KDM4C: variants seen among roughly 807,000 people sequenced by gnomAD.
The protein encoded by KDM4C is lysine demethylase 4C.
Under a neutral mutation model 129.3 loss-of-function variants are expected in KDM4C, and 81 were observed. The ratio of observed to expected loss-of-function variants is 0.63; its 90% CI spans 0.52 to 0.75. KDM4C has a LOEUF of 0.75. Among genes scored for constraint, KDM4C ranks in the 30% least tolerant of loss-of-function variants. The pLI is 0.00. For synonymous variants in KDM4C, 573 were observed against 456.1 expected (o/e 1.26, Z -3.26); for missense variants, 1,457 against 1,304.0 (o/e 1.12, Z -1.81).
At chr9:6,755,066 T>C (rs1032469433), upstream of KDM4C, among the ~76,000 whole-genome samples, 6 of 151,840 alleles carry the variant, frequency 4.0e-5, no homozygotes, top group Non-Finnish European at 8.8e-5. Flanking sequence ...GGCGAAACCC[T>C]GTCTACAAAA....
intron 17 of KDM4C, among the ~76,000 whole-genome samples, chr9:7,100,031 G>C (rs1374234965): frequency 6.6e-6 from 1 of 152,092 alleles, no homozygotes; most frequent in Non-Finnish European, 1.5e-5. Context: ...TCTCAGATGA[G>C]ACAGGAGCTC....
chr9:6,842,798 A>G (rs941823637), intron 4 of KDM4C, among the ~76,000 whole-genome samples: 4 of 151,848 alleles, frequency 2.6e-5, no homozygotes, highest in African/African-American at 7.3e-5. Flanking sequence ...CCCAATACCC[A>G]CGTTTTTTGA....
intron 8 of KDM4C, among the ~76,000 whole-genome samples, chr9:6,938,835 T>A (rs1421634640): frequency 1.4e-5 from 2 of 147,496 alleles, no homozygotes; most frequent in African/African-American, 4.9e-5. Flanking sequence ...TAAATATTTA[T>A]TTTTCAGATA....
chr9:7,108,432 G>T (rs971751536), intron 18 of KDM4C, among the ~76,000 whole-genome samples: 1 of 151,996 alleles, frequency 6.6e-6, no homozygotes, highest in East Asian at 1.9e-4. Flanking sequence ...AGACTGGGTT[G>T]TACCATGTTG....
chr9:6,786,775 A>G (rs142297619), intron 1 of KDM4C, among the ~76,000 whole-genome samples: 95 of 152,308 alleles, frequency 6.2e-4, no homozygotes, highest in Middle Eastern at 3.4e-3. Context: ...TATTAATATA[A>G]ATACCTTTTA....
rs997330022 is a variant in KDM4C, at chr9:6,729,993, C to T, written c.49+8996C>T. On this transcript the variant is annotated intron_variant, in intron 1 of 17. Transcript: ENST00000536108. ...GATGCGGTGGTGCACGCCTGTAGTCCGAACTACTCTGCAGGCTGAGGCAGG... is the reference window on the plus strand; with the variant it reads ...GATGCGGTGGTGCACGCCTGTAGTCTGAACTACTCTGCAGGCTGAGGCAGG... Among the ~76,000 whole-genome samples the T allele has an allele frequency of 7.8e-5, 10 of 127,836 alleles. 3 individuals carry two copies. The highest frequency in any genetic ancestry group is 5.6e-4 in the South Asian group (2 of 3,558). The allele number at this position is 127,836 out of a possible 152,430, so 83.9% of individuals were successfully genotyped here.
intron 19 of KDM4C, among the ~76,000 whole-genome samples, chr9:7,158,011 T>G (rs961836418): frequency 1.3e-5 from 2 of 152,214 alleles, no homozygotes; most frequent in African/African-American, 4.8e-5. Flanking sequence ...GGTAGGCTAT[T>G]AATTATTGCC....
rs1214004741 is a variant in KDM4C, at chr9:7,015,889, G to C, written c.2219G>C (p.Gly740Ala). Residue 740 changes from glycine to alanine, a missense_variant, in exon 15 of 22, where the codon GGA (glycine) becomes GCA (alanine). By Grantham distance (60) the Gly-to-Ala change is moderately conservative. Transcript: ENST00000381309. Reference sequence around the variant, plus strand: ...ATTCCTTCTCATGAGATCTGTGATGGATGGCTGTGTGCCCGGTGCAAAAGA... The same window carrying C: ...ATTCCTTCTCATGAGATCTGTGATGCATGGCTGTGTGCCCGGTGCAAAAGA... Reference protein sequence around the residue: ...YGIPSHEICDGWLCARCKRNA... With the variant: ...YGIPSHEICDAWLCARCKRNA... 1 of 1,612,804 alleles carries C rather than the reference G, an allele frequency of 6.2e-7. No homozygotes were observed. Among genetic ancestry groups the C allele is most frequent in the Non-Finnish European group, 8.5e-7 (1 of 1,179,234 alleles).
chr9:6,885,943 T>G (rs1845197053), intron 6 of KDM4C, among the ~76,000 whole-genome samples: 1 of 152,246 alleles, frequency 6.6e-6, no homozygotes, highest in South Asian at 2.1e-4. Flanking sequence ...AGGTCCTGAT[T>G]ACAAATCTAT....
chr9:6,949,806 CG>C (rs1827790213), intron 8 of KDM4C, among the ~76,000 whole-genome samples: 1 of 152,166 alleles, frequency 6.6e-6, no homozygotes, highest in African/African-American at 2.4e-5. Flanking sequence ...AGTCCAGCTT[CG>C]GCTCGGCATC....
intron 19 of KDM4C, among the ~76,000 whole-genome samples, chr9:7,164,350 T>TAAAAAAAAAAAAAAAAA (rs113564814): frequency 6.7e-6 from 1 of 148,340 alleles, no homozygotes. Context: ...TGCCACGCCT[T>TAAAAAAAAAAAAAAAAA]AAAAAAACAA....
At chr9:7,115,149 C>T (rs1838757012) in intron 18 of KDM4C, among the ~76,000 whole-genome samples, 1 of 152,090 alleles carries the variant, frequency 6.6e-6, no homozygotes, top group Non-Finnish European at 1.5e-5. Context: ...TTGACAACTT[C>T]AAGGGCCAAC....
chr9:6,740,668 G>A (rs1267812319), intron 1 of KDM4C, among the ~76,000 whole-genome samples: 5 of 152,034 alleles, frequency 3.3e-5, no homozygotes, highest in South Asian at 2.1e-4. Flanking sequence ...ACAGGCGCGC[G>A]CCACCACATC....
At chr9:6,882,698 AAAG>A (rs746603853) in intron 6 of KDM4C, among the ~76,000 whole-genome samples, 31 of 152,236 alleles carry the variant, frequency 2.0e-4, no homozygotes, top group Non-Finnish European at 4.0e-4. Flanking sequence ...CCTTATTAAA[AAAG>A]CAGTATTTAG....
chr9:6,758,038 G>C lies in KDM4C; in HGVS notation c.-183G>C, dbSNP rs1233785367. On this transcript the variant is annotated 5_prime_UTR_variant, in exon 1 of 22. Transcript: ENST00000381309. This position sits in a 1 kb window ranked among gnomAD's most constrained non-coding sequence, Gnocchi z 4.6. ...CACCCCCTCGACGGGAGGGTGAGGC[G>C]CGGCGCAGTGATCGGGCGGCCGGGG... The C allele has an allele frequency of 1.0e-6, 1 of 985,310 alleles. No individual in the cohort carries two copies. The highest frequency in any genetic ancestry group is 6.1e-5 in the Admixed American group (1 of 16,264). 61.0% of individuals were successfully genotyped at this position (985,310 alleles called of 1,614,324 possible). A position where few individuals can be genotyped will look rare whatever the true frequency, so the allele number is the denominator to read the frequency against.
chr9:7,064,136 T>A (rs1229972611), intron 17 of KDM4C, among the ~76,000 whole-genome samples: 1 of 152,210 alleles, frequency 6.6e-6, no homozygotes, highest in African/African-American at 2.4e-5. Flanking sequence ...AACTATAGTT[T>A]TGGTAGGCCT....
At chr9:7,028,785 C>T (rs1369675953) in intron 15 of KDM4C, among the ~76,000 whole-genome samples, 1 of 152,100 alleles carries the variant, frequency 6.6e-6, no homozygotes, top group Non-Finnish European at 1.5e-5. Context: ...GTTAAATATT[C>T]CCTCTGTGGG....
intron 19 of KDM4C, among the ~76,000 whole-genome samples, chr9:7,147,685 C>G (rs949250514): frequency 6.6e-6 from 1 of 152,120 alleles, no homozygotes; most frequent in African/African-American, 2.4e-5. Context: ...TCATCAGGGC[C>G]GATGTTGGCT....
intron 1 of KDM4C, among the ~76,000 whole-genome samples, chr9:6,759,043 G>A (rs769979834): frequency 2.0e-5 from 3 of 152,198 alleles, no homozygotes; most frequent in Non-Finnish European, 4.4e-5. Context: ...CTGATTGTGG[G>A]CAATACTACC....
Sources: allele counts gnomAD v4.1 joint callset (sites outside exome capture counted in the v4.1 genomes callset), GRCh38; gene constraint gnomAD v4.1.1; non-coding constraint Gnocchi (gnomAD v3.1); transcripts MANE v1.5; gene names NCBI Gene and HGNC (gene_info 2026-07-23, HGNC 2026-07-21).